Variants in ANKRD6 observed in about 807,000 individuals in gnomAD.
ANKRD6 encodes the protein ankyrin repeat domain-containing protein 6.
A neutral mutation model predicts 82.3 loss-of-function variants in ANKRD6; 56 were observed. The observed-to-expected ratio is 0.68, with a 90% CI of 0.55 to 0.85. The LOEUF (loss-of-function observed/expected upper bound fraction) is 0.85, where lower values mean the gene tolerates loss of function less well. Among genes scored for constraint, ANKRD6 ranks in the 40% least tolerant of loss-of-function variants. The pLI, the probability that ANKRD6 is intolerant of heterozygous loss-of-function variation, is 0.00. For missense variants in ANKRD6, 852 were observed against 907.6 expected, an observed-to-expected ratio of 0.94 and a Z score of 0.79; for synonymous variants, 347 against 352.1, an observed-to-expected ratio of 0.99 and a Z score of 0.16.
intron 8 of ANKRD6, chr6:89,616,884 G>A (rs751014924): frequency 1.2e-4 from 78 of 657,742 alleles, no homozygotes; most frequent in Middle Eastern, 2.4e-4. Flanking sequence ...CTGCCTGACT[G>A]CAGTGAACAC....
intron 14 of ANKRD6, chr6:89,628,788 AC>A: frequency 2.3e-5 from 6 of 266,108 alleles, no homozygotes; most frequent in South Asian, 8.7e-5. Context: ...AAACAAACAA[AC>A]AAAAAAAAAA....
chr6:89,462,994 G>A (rs1668775749), intron 1 of ANKRD6, among the ~76,000 whole-genome samples: 1 of 151,424 alleles, frequency 6.6e-6, no homozygotes. Context: ...TCCCAAGTAG[G>A]ACTATAGTCA....
intron 1 of ANKRD6, among the ~76,000 whole-genome samples, chr6:89,519,179 A>G (rs1304480184): frequency 6.6e-6 from 1 of 152,216 alleles, no homozygotes; most frequent in Admixed American, 6.5e-5. Flanking sequence ...AATTCAGTCT[A>G]TTAACAGAAG....
In ANKRD6 at chr6:89,618,060, T is replaced by G. The variant is rs1382683119; in HGVS notation, c.792+29T>G. 1.9e-6 allele frequency: 3 copies of G among 1,611,458 alleles called. No homozygotes were observed. In the African/African-American group the frequency reaches 4.0e-5, roughly 22 times the overall value. ...GGATTTACTGCCCTTTCCATGGTAC[T>G]GATTATGCGGGACTACAAAGTTGTT... On this transcript the variant is annotated intron_variant, in intron 9 of 15. Coordinates refer to ENST00000339746, the MANE Select transcript of ANKRD6 (RefSeq NM_001242809.2).
chr6:89,584,735 G>T (rs1793334280), intron 2 of ANKRD6, among the ~76,000 whole-genome samples: 1 of 152,194 alleles, frequency 6.6e-6, no homozygotes, highest in Non-Finnish European at 1.5e-5. Context: ...ATCAACAAGT[G>T]CCTTAGCTCA....
chr6:89,612,986 C>T (rs1800602368), intron 6 of ANKRD6, among the ~76,000 whole-genome samples: 3 of 152,322 alleles, frequency 2.0e-5, no homozygotes, highest in South Asian at 4.1e-4. Context: ...GGGGTAGACT[C>T]ATCTAATGCT....
chr6:89,586,129 C>T (rs1354810572), intron 2 of ANKRD6, among the ~76,000 whole-genome samples: 1 of 152,124 alleles, frequency 6.6e-6, no homozygotes, highest in African/African-American at 2.4e-5. Flanking sequence ...TATAACATTA[C>T]CTAATAGAAT....
At chr6:89,460,688 G>T (rs187814162) in intron 1 of ANKRD6, among the ~76,000 whole-genome samples, 3 of 151,722 alleles carry the variant, frequency 2.0e-5, no homozygotes, top group Non-Finnish European at 2.9e-5. Flanking sequence ...CGGCTGTCTT[G>T]GCCTCCCAAA....
chr6:89,559,571 G>C (rs1375057922), intron 1 of ANKRD6, among the ~76,000 whole-genome samples: 1 of 152,214 alleles, frequency 6.6e-6, no homozygotes, highest in East Asian at 1.9e-4. Flanking sequence ...ATTGAGATTT[G>C]AGTACATAGA....
intron 3 of ANKRD6, among the ~76,000 whole-genome samples, chr6:89,599,197 A>G (rs1796546175): frequency 6.6e-6 from 1 of 151,880 alleles, no homozygotes; most frequent in Non-Finnish European, 1.5e-5. Flanking sequence ...ACATGGCAAA[A>G]CTCCATCTCT....
In ANKRD6 at chr6:89,433,897, C is replaced by A. The variant is rs1178500371; in HGVS notation, c.-144+522C>A. Among the ~76,000 whole-genome samples the A allele has an allele frequency of 2.0e-5, 3 of 152,362 alleles. No homozygotes were observed. The East Asian group carries it at 5.8e-4, about 29-fold the overall frequency. ...CGAAGCCTCAGCAAGTGGCATCTCC[C>A]GGGGTCCAGAGAGTCGGCGTGCTGT... On this transcript the variant is annotated intron_variant, in intron 1 of 15. Coordinates refer to ENST00000339746, the MANE Select transcript of ANKRD6 (RefSeq NM_001242809.2). This position sits in a 1 kb window ranked among gnomAD's most constrained non-coding sequence, Gnocchi z 4.3.
chr6:89,496,895 C>T (rs908642687), intron 1 of ANKRD6, among the ~76,000 whole-genome samples: 5 of 152,190 alleles, frequency 3.3e-5, no homozygotes, highest in Non-Finnish European at 7.3e-5. Context: ...CATAAACACT[C>T]ACCTTTATTG....
intron 13 of ANKRD6, 59 bp from the exon 14 acceptor site, chr6:89,627,516 GAGCTGAGA>G: frequency 6.8e-7 from 1 of 1,471,536 alleles, no homozygotes; most frequent in Non-Finnish European, 9.4e-7. Flanking sequence ...CCCTCTGCAG[GAGCTGAGA>G]AGCCAGGGCT....
chr6:89,480,146 C>T (rs777789525), intron 1 of ANKRD6, among the ~76,000 whole-genome samples: 4 of 152,278 alleles, frequency 2.6e-5, no homozygotes, highest in African/African-American at 9.6e-5. Context: ...TATATTGCAT[C>T]GGCCTCTGTT....
chr6:89,544,211 C>T (rs764286384), intron 1 of ANKRD6, among the ~76,000 whole-genome samples: 9 of 150,954 alleles, frequency 6.0e-5, no homozygotes, highest in Non-Finnish European at 8.9e-5. Flanking sequence ...AAGGCAGTAC[C>T]AGCATCTCCA....
At chr6:89,480,671 A>G (rs901566058) in intron 1 of ANKRD6, among the ~76,000 whole-genome samples, 4 of 151,600 alleles carry the variant, frequency 2.6e-5, no homozygotes, top group African/African-American at 9.7e-5. Context: ...TTGGCTAGAA[A>G]TAGTGGCTCA....
intron 1 of ANKRD6, among the ~76,000 whole-genome samples, chr6:89,456,907 A>G (rs945167472): frequency 1.3e-5 from 2 of 152,206 alleles, no homozygotes; most frequent in Non-Finnish European, 2.9e-5. Context: ...TTGTATCTCA[A>G]TACAATAAAT....
chr6:89,477,327 C>T (rs1776167734), intron 1 of ANKRD6, among the ~76,000 whole-genome samples: 1 of 151,974 alleles, frequency 6.6e-6, no homozygotes, highest in East Asian at 1.9e-4. Context: ...TCTATAATTC[C>T]ATCACCTAGA....
At chr6:89,514,369 C>T (rs187830704) in intron 1 of ANKRD6, among the ~76,000 whole-genome samples, 55 of 152,100 alleles carry the variant, frequency 3.6e-4, no homozygotes, top group African/African-American at 1.3e-3. Context: ...CAGAGCAAGA[C>T]TCCATCTCAA....
Sources: allele counts gnomAD v4.1 joint callset (sites outside exome capture counted in the v4.1 genomes callset), GRCh38; gene constraint gnomAD v4.1.1; non-coding constraint Gnocchi (gnomAD v3.1); transcripts MANE v1.5; gene names NCBI Gene and HGNC (gene_info 2026-07-23, HGNC 2026-07-21).